Variants in KLF7 observed in about 807,000 individuals in gnomAD.
The protein encoded by KLF7 is KLF transcription factor 7, also known as Krueppel-like factor 7.
In KLF7, 2 loss-of-function variants were observed where a neutral mutation model predicts 27.3. The ratio of observed to expected loss-of-function variants is 0.07; its 90% CI spans 0.03 to 0.23. The LOEUF is 0.23. KLF7 is among the 10% of genes least tolerant of loss of function. The pLI, the probability that KLF7 is intolerant of heterozygous loss-of-function variation, is 1.00. For synonymous variants in KLF7, 165 were observed against 162.4 expected, an observed-to-expected ratio of 1.02 and a Z score of -0.12; for missense variants, 221 against 394.1, an observed-to-expected ratio of 0.56 and a Z score of 3.72.
intron 3 of KLF7, among the ~76,000 whole-genome samples, chr2:207,083,370 G>A (rs1229841953): frequency 6.6e-6 from 1 of 151,988 alleles, no homozygotes; most frequent in African/African-American, 2.4e-5. Context: ...CCAACAACCT[G>A]GAGAAAGAAG....
rs141411382 is a variant in KLF7, at chr2:207,096,783, T to C, written c.734-8202A>G. Among the ~76,000 whole-genome samples the C allele has an allele frequency of 3.1e-4, 47 of 152,330 alleles. 1 individual carries two copies. The highest frequency in any genetic ancestry group is 9.1e-4 in the African/African-American group (38 of 41,562). On this transcript the variant is annotated intron_variant, in intron 2 of 3. Coordinates refer to ENST00000309446, the MANE Select transcript of KLF7 (RefSeq NM_003709.4). ...TCCACAGTGGCTAGCACAAACGTTA[T>C]ACACAGTAGATGCTCAGATAATACA...
At chr2:207,115,253 G>A (rs1020270408) in intron 2 of KLF7, among the ~76,000 whole-genome samples, 2 of 151,940 alleles carry the variant, frequency 1.3e-5, no homozygotes, top group African/African-American at 4.8e-5. Flanking sequence ...TAAGGAACCA[G>A]CAATGGGGCA....
intron 3 of KLF7, among the ~76,000 whole-genome samples, chr2:207,082,691 C>T (rs1483917145): frequency 2.0e-5 from 3 of 152,202 alleles, no homozygotes; most frequent in Non-Finnish European, 4.4e-5. Flanking sequence ...GCTTTCTAAC[C>T]TATGAGAAAG....
intron 3 of KLF7, among the ~76,000 whole-genome samples, chr2:207,087,023 T>C (rs760958067): frequency 3.3e-5 from 5 of 152,134 alleles, no homozygotes; most frequent in Non-Finnish European, 4.4e-5. Context: ...GAGATGGAAA[T>C]AGAAGGAAGA....
intron 2 of KLF7, among the ~76,000 whole-genome samples, chr2:207,114,747 C>G (rs2077133182): frequency 6.6e-6 from 1 of 152,178 alleles, no homozygotes; most frequent in East Asian, 1.9e-4. Flanking sequence ...ATTAGATACC[C>G]TAAGACACCT....
intron 1 of KLF7, among the ~76,000 whole-genome samples, chr2:207,148,423 T>G (rs749042336): frequency 5.3e-5 from 8 of 152,104 alleles, no homozygotes; most frequent in Non-Finnish European, 7.3e-5. Flanking sequence ...CAAGCCACCA[T>G]GCGGTACTGC....
At chr2:207,094,721 C>T (rs1356582200) in intron 2 of KLF7, among the ~76,000 whole-genome samples, 1 of 152,212 alleles carries the variant, frequency 6.6e-6, no homozygotes, top group East Asian at 1.9e-4. Flanking sequence ...CTAAAAAATA[C>T]CTATGCTAAG....
intron 1 of KLF7, among the ~76,000 whole-genome samples, chr2:207,130,306 G>A (rs780144968): frequency 8.5e-5 from 13 of 152,132 alleles, no homozygotes; most frequent in Non-Finnish European, 1.6e-4. Context: ...AAGAAAATAC[G>A]CTGACTGTCA....
chr2:207,119,796 T>C (rs2077287832), intron 2 of KLF7, among the ~76,000 whole-genome samples: 1 of 152,136 alleles, frequency 6.6e-6, no homozygotes, highest in African/African-American at 2.4e-5. Flanking sequence ...CTCCGCCTCC[T>C]GGGGTCAAGC....
At chr2:207,102,196 A>G (rs1158351990) in intron 2 of KLF7, among the ~76,000 whole-genome samples, 1 of 151,508 alleles carries the variant, frequency 6.6e-6, no homozygotes, top group Admixed American at 6.6e-5. Flanking sequence ...AACTCAGCAC[A>G]AACATATTGA....
chr2:207,129,209 G>T (rs1426787184), intron 1 of KLF7, among the ~76,000 whole-genome samples: 1 of 152,180 alleles, frequency 6.6e-6, no homozygotes, highest in Non-Finnish European at 1.5e-5. Context: ...TAGAACCAGA[G>T]ATTTTCTCTG....
intron 1 of KLF7, among the ~76,000 whole-genome samples, chr2:207,132,534 G>T (rs1049267796): frequency 1.3e-5 from 2 of 152,226 alleles, no homozygotes; most frequent in African/African-American, 4.8e-5. Flanking sequence ...GGGTGGTGAG[G>T]ATGTTGGAGG....
intron 3 of KLF7, among the ~76,000 whole-genome samples, chr2:207,083,906 C>G (rs2076330182): frequency 6.6e-6 from 1 of 152,054 alleles, no homozygotes; most frequent in African/African-American, 2.4e-5. Flanking sequence ...CTTCTAGAAG[C>G]TGGAAAAGGA....
chr2:207,119,832 T>C (rs773143810), intron 2 of KLF7, among the ~76,000 whole-genome samples: 39 of 152,110 alleles, frequency 2.6e-4, no homozygotes, highest in Admixed American at 5.9e-4. Flanking sequence ...GCCTCCTGAG[T>C]AGCTGGGACT....
chr2:207,095,895 A>G (rs2076617709), intron 2 of KLF7, among the ~76,000 whole-genome samples: 1 of 152,198 alleles, frequency 6.6e-6, no homozygotes, highest in Admixed American at 6.5e-5. Flanking sequence ...AAACATATTA[A>G]AATTAATTTT....
At chr2:207,101,853 C>A (rs1269166453) in intron 2 of KLF7, among the ~76,000 whole-genome samples, 10 of 152,146 alleles carry the variant, frequency 6.6e-5, no homozygotes, top group Non-Finnish European at 1.5e-5. Flanking sequence ...TGTTTACATT[C>A]TATGTAGCTC....
intron 2 of KLF7, chr2:207,122,096 T>C (rs938916058): frequency 2.6e-5 from 4 of 152,210 alleles, no homozygotes; most frequent in Admixed American, 2.6e-4. Flanking sequence ...ACTTTACTCA[T>C]TGACTTTAGA....
rs184731653 is a variant in KLF7, at chr2:207,105,804, G to T, written c.734-17223C>A. 3.1e-4 allele frequency among the ~76,000 whole-genome samples: 47 copies of T among 152,264 alleles called. 1 individual carries two copies. Among genetic ancestry groups the T allele is most frequent in the African/African-American group, 9.1e-4 (38 of 41,560 alleles). ...AGAGAACAGGCAGTGGCCAGACTGT[G>T]AAAGGACTTAAACAGACCTGCACGA... On this transcript the variant is annotated intron_variant, in intron 2 of 3. Coordinates refer to ENST00000309446, the MANE Select transcript of KLF7 (RefSeq NM_003709.4).
intron 1 of KLF7, among the ~76,000 whole-genome samples, chr2:207,133,200 A>G (rs1277977134): frequency 6.6e-6 from 1 of 152,192 alleles, no homozygotes; most frequent in East Asian, 1.9e-4. Flanking sequence ...CACTGGTGGA[A>G]ATCCCACTTG....
Sources: gnomAD v4.1 joint callset for allele counts (sites outside exome capture counted in the v4.1 genomes callset) on GRCh38, gnomAD v4.1.1 for gene constraint, MANE v1.5 for transcripts, NCBI Gene and HGNC (gene_info 2026-07-23, HGNC 2026-07-21) for gene names.